PMM1: variants seen among roughly 807,000 people sequenced by gnomAD.
PMM1 encodes brain glucose-1,6-bisphosphatase.
PMM1 carries 25 observed loss-of-function variants against 34.0 expected under a neutral mutation model. The observed-to-expected ratio is 0.73, with a 90% confidence interval of 0.54 to 1.03. The LOEUF is 1.03. Ranked by LOEUF, PMM1 falls within the 50% of genes least tolerant of loss-of-function variation. The probability of loss-of-function intolerance (pLI) is 0.00; values close to 1 mark genes in which losing one functional copy is unlikely to be tolerated. For synonymous variants in PMM1, 134 were observed against 143.9 expected (o/e 0.93, Z 0.49); for missense variants, 321 against 350.1 (o/e 0.92, Z 0.66).
chr22:41,584,177 C>T (rs913595621), intron 4 of PMM1, 104 bp downstream of exon 4: 40 of 1,310,050 alleles, frequency 3.1e-5, no homozygotes, highest in Admixed American at 1.2e-4. Flanking sequence ...CCACACTCCC[C>T]GCAAAAAATC....
chr22:41,584,077 G>T lies in PMM1; in HGVS notation c.375-19C>A. The T allele has an allele frequency of 6.3e-7, 1 of 1,583,134 alleles. No homozygotes were observed. The highest frequency in any genetic ancestry group is 8.7e-7 in the Non-Finnish European group (1 of 1,152,086). On this transcript the variant is annotated intron_variant, in intron 4 of 7. Transcript: ENST00000216259. Reference sequence around the variant, plus strand: ...GGTTCCACTGGTGGTGAGGGAGGGCGGGGAGCCAGAGAGAACCAGAACGGC... The same window carrying T: ...GGTTCCACTGGTGGTGAGGGAGGGCTGGGAGCCAGAGAGAACCAGAACGGC...
chr22:41,588,413 G>T lies in PMM1; in HGVS notation c.87+1306C>A, dbSNP rs2067337938. On this transcript the variant is annotated intron_variant, in intron 1 of 7. Transcript: ENST00000216259. ...TTTTTGTATTTTTAGTAGAGATAGG[G>T]TTTCACGATATTGGTCAGGCTGGTC... Among the ~76,000 whole-genome samples the T allele has an allele frequency of 3.3e-5, 5 of 152,354 alleles. No homozygotes were observed. The South Asian group carries it at 1.0e-3, about 32-fold the overall frequency.
At chr22:41,586,290 A>G in intron 1 of PMM1, 97 bp from the exon 2 acceptor site, 7 of 1,574,020 alleles carry the variant, frequency 4.4e-6, no homozygotes, top group Non-Finnish European at 5.1e-6. Context: ...GGAAGCCCAC[A>G]TTCTACCTGG....
At position 41,583,325 on chromosome 22, in the gene PMM1, T is replaced by C. The variant is rs767891473; in HGVS notation, c.474+634A>G. Among the ~76,000 whole-genome samples, 11 of 151,968 alleles carry C rather than the reference T, an allele frequency of 7.2e-5. No homozygotes were observed. The South Asian group carries it at 2.1e-3, about 29-fold the overall frequency. On this transcript the variant is annotated intron_variant, in intron 5 of 7. Coordinates refer to ENST00000216259, the MANE Select transcript of PMM1 (RefSeq NM_002676.3). ...TGAAACCCTGCCTCTACTAAAAAAG[T>C]ACAAAAATTAGCTGGGTGTAGTGGT...
At chr22:41,587,637 C>A (rs948566101) in intron 1 of PMM1, among the ~76,000 whole-genome samples, 4 of 152,076 alleles carry the variant, frequency 2.6e-5, no homozygotes, top group African/African-American at 9.6e-5. Context: ...ACAACAACAA[C>A]AAAATAGCAT....
intron 5 of PMM1, among the ~76,000 whole-genome samples, chr22:41,583,039 C>T (rs563854398): frequency 3.3e-5 from 5 of 152,010 alleles, no homozygotes; most frequent in South Asian, 4.2e-4. Flanking sequence ...AGAAAGGAGA[C>T]GCGGAGAGCC....
At chr22:41,587,804 C>A (rs906647998) in intron 1 of PMM1, among the ~76,000 whole-genome samples, 6 of 152,180 alleles carry the variant, frequency 3.9e-5, no homozygotes, top group Admixed American at 6.5e-5. Flanking sequence ...CGGCCAGGCT[C>A]CCCAAGTGCG....
chr22:41,578,292 A>G (rs1269869983), intron 6 of PMM1, among the ~76,000 whole-genome samples: 3 of 152,148 alleles, frequency 2.0e-5, no homozygotes, highest in African/African-American at 7.2e-5. Flanking sequence ...GAGGACGGGC[A>G]GGCCCTGGGC....
rs1315978600 is a variant in PMM1 at position 41,589,726 on chromosome 22, G to C, written c.80C>G (p.Ala27Gly). The change falls in exon 1 of 8, where the codon GCT becomes GGT. Residue 27 changes from alanine (A) to glycine (G), a missense_variant. Physicochemically the swap from Ala to Gly is moderately conservative, Grantham distance 60. Transcript: ENST00000216259. ...LFDVDGTLTP[A>G]RQKIDPEVAA... is the part of the protein sequence containing the mutation. ...CAATCTTCAGGGTCCTACCTGGCGA[G>C]CCGGCGTGAGGGTCCCGTCCACGTC... 1 of 1,611,332 alleles carries C rather than the reference G, an allele frequency of 6.2e-7. No homozygotes were observed. The highest frequency in any genetic ancestry group is 1.1e-5 in the South Asian group (1 of 90,494).
chr22:41,578,728 C>T (rs1455817021), intron 6 of PMM1, 78 bp downstream of exon 6: 7 of 1,247,566 alleles, frequency 5.6e-6, no homozygotes, highest in Non-Finnish European at 5.9e-6. Context: ...GGGGCCACAG[C>T]CTGGTCTTGG....
At chr22:41,584,502 T>C in intron 3 of PMM1, 25 bp downstream of exon 3, 1 of 1,600,348 alleles carries the variant, frequency 6.2e-7, no homozygotes, top group South Asian at 1.1e-5. Context: ...GGGGTGCCCC[T>C]GGCTAAGCCC....
At chr22:41,577,682 T>C (rs61387515) in intron 7 of PMM1, 126 bp downstream of exon 7, 29,072 of 783,690 alleles carry the variant, frequency 0.037, 2,449 homozygotes, top group African/African-American at 0.27. Context: ...AGGAGCCCCC[T>C]AAGAGGTCTG....
Position 41,586,311 on chromosome 22 carries a change from G to C in PMM1, c.88-118C>G, listed in dbSNP as rs1307778323. ...CCACATTCTACCTGGATCTGAAGCA[G>C]TACAAAGCTTAGACACCAAAAATTA... On this transcript the variant is annotated intron_variant, in intron 1 of 7. Coordinates refer to ENST00000216259, the MANE Select transcript of PMM1 (RefSeq NM_002676.3). 4.5e-6 allele frequency: 7 copies of C among 1,539,462 alleles called. No homozygotes were observed. The East Asian group carries it at 7.1e-5, about 16-fold the overall frequency.
chr22:41,588,856 G>C (rs1569059029), intron 1 of PMM1: 1 of 985,382 alleles, frequency 1.0e-6, no homozygotes, highest in Non-Finnish European at 1.2e-6. Context: ...AGACCTGTTG[G>C]TTGGTCCTTG....
intron 2 of PMM1, chr22:41,585,245 T>A (rs534704184): frequency 1.3e-5 from 2 of 152,008 alleles, no homozygotes; most frequent in East Asian, 3.9e-4. Context: ...AAAGGAAAAA[T>A]TCGAGGAAGT....
chr22:41,578,792 C>T lies in PMM1; in HGVS notation c.550+14G>A, dbSNP rs1234530317. The T allele has an allele frequency of 6.2e-7, 1 of 1,611,686 alleles. No homozygotes were observed. The highest frequency in any genetic ancestry group is 2.2e-5 in the East Asian group (1 of 44,852). On this transcript the variant is annotated intron_variant, in intron 6 of 7. Transcript: ENST00000216259. Reference sequence around the variant, plus strand: ...TGTACCAGGCCTCCCAGGTCCTCTGCAGGGTGGACGTACCTCGAGAGAACC... The same window carrying T: ...TGTACCAGGCCTCCCAGGTCCTCTGTAGGGTGGACGTACCTCGAGAGAACC...
chr22:41,586,154 G>T lies in PMM1; in HGVS notation c.127C>A (p.Arg43=), dbSNP rs765816406. The T allele has an allele frequency of 6.2e-7, 1 of 1,612,320 alleles. No individual in the cohort carries two copies. The highest frequency in any genetic ancestry group is 8.5e-7 in the Non-Finnish European group (1 of 1,179,536). Residue 43 remains arginine (R), a synonymous_variant, in exon 2 of 8, where the codon CGA becomes AGA. Transcript: ENST00000216259. ...ACCACACCGATCTGCACTCTACTTCGTAGCTTCTGCAGGAAGGCGGCCACC... is the reference window on the plus strand; with the variant it reads ...ACCACACCGATCTGCACTCTACTTCTTAGCTTCTGCAGGAAGGCGGCCACC... ...PEVAAFLQKL[R]SRVQIGVVGG...
At chr22:41,585,794 T>A (rs1462813836) in intron 2 of PMM1, among the ~76,000 whole-genome samples, 4 of 152,004 alleles carry the variant, frequency 2.6e-5, no homozygotes, top group Non-Finnish European at 5.9e-5. Flanking sequence ...TGCCGGCTGG[T>A]TCAGCCCATT....
chr22:41,585,793 G>A (rs952545173), intron 2 of PMM1, among the ~76,000 whole-genome samples: 4 of 152,092 alleles, frequency 2.6e-5, no homozygotes, highest in Non-Finnish European at 5.9e-5. Flanking sequence ...GTGCCGGCTG[G>A]TTCAGCCCAT....
Sources: gnomAD v4.1 joint callset for allele counts (sites outside exome capture counted in the v4.1 genomes callset) on GRCh38, gnomAD v4.1.1 for gene constraint, MANE v1.5 for transcripts, NCBI Gene and HGNC (gene_info 2026-07-23, HGNC 2026-07-21) for gene names.